The following CSMD3 variants were observed in gnomAD, a reference collection of about 807,000 sequenced individuals.
CSMD3 encodes the protein CUB and Sushi multiple domains 3, also known as CUB and sushi domain-containing protein 3.
A neutral mutation model predicts 435.2 loss-of-function variants in CSMD3; 177 were observed. The ratio of observed to expected loss-of-function variants is 0.41; its 90% CI spans 0.36 to 0.46. CSMD3 has a LOEUF of 0.46. Ranked by LOEUF, CSMD3 falls within the 20% of genes least tolerant of loss-of-function variation. The pLI, the probability that CSMD3 is intolerant of heterozygous loss-of-function variation, is 0.34. For synonymous variants in CSMD3, 1,656 were observed against 1,520.5 expected (o/e 1.09, Z -2.07); for missense variants, 4,265 against 4,504.6 (o/e 0.95, Z 1.52).
At chr8:112,379,450 C>T (rs1237869972) in intron 38 of CSMD3, among the ~76,000 whole-genome samples, 5 of 152,182 alleles carry the variant, frequency 3.3e-5, no homozygotes, top group African/African-American at 1.2e-4. Context: ...GCCTGGGCAA[C>T]AAGAGTGAAA....
Position 112,447,735 on chromosome 8 carries a change from A to C in CSMD3, c.5395+24856T>G, listed in dbSNP as rs534921432. ...TTGTGCACAAAAATAACTGTTGCCC[A>C]AAGTTTGAAATGTATTGAATTTATT... On this transcript the variant is annotated intron_variant, in intron 32 of 70. Coordinates refer to ENST00000297405, the MANE Select transcript of CSMD3 (RefSeq NM_198123.2). Among the ~76,000 whole-genome samples, 101 of 152,346 alleles carry C rather than the reference A, an allele frequency of 6.6e-4. 1 individual carries two copies. The Middle Eastern group carries it at 0.01, about 15-fold the overall frequency.
At chr8:113,024,782 T>G (rs997943786) in intron 5 of CSMD3, among the ~76,000 whole-genome samples, 2 of 152,142 alleles carry the variant, frequency 1.3e-5, no homozygotes, top group African/African-American at 4.8e-5. Flanking sequence ...CATTGCCAAT[T>G]TTTTCATCAG....
rs942131584 is a variant in CSMD3, at chr8:112,597,182, G to T, written c.3716-9947C>A. Among the ~76,000 whole-genome samples, 24 of 150,722 alleles carry T rather than the reference G, an allele frequency of 1.6e-4. No homozygotes were observed. In the East Asian group the frequency reaches 3.5e-3, roughly 22 times the overall value. ...AGACACAATAAAAAATGATAAAGGGGATATCACCACCAATCCCACAGAAAT... is the reference window on the plus strand; with the variant it reads ...AGACACAATAAAAAATGATAAAGGGTATATCACCACCAATCCCACAGAAAT... On this transcript the variant is annotated intron_variant, in intron 22 of 70. Transcript: ENST00000297405.
intron 1 of CSMD3, among the ~76,000 whole-genome samples, chr8:113,436,298 T>C (rs1487397980): frequency 1.3e-5 from 2 of 152,188 alleles, no homozygotes; most frequent in Non-Finnish European, 2.9e-5. Flanking sequence ...GTCTTTAATA[T>C]ATATATTCCA....
chr8:112,414,118 T>C (rs1811651214), intron 32 of CSMD3, among the ~76,000 whole-genome samples: 1 of 152,214 alleles, frequency 6.6e-6, no homozygotes, highest in East Asian at 1.9e-4. Flanking sequence ...TCTTGCTATA[T>C]TTGAAGTTGG....
intron 27 of CSMD3, among the ~76,000 whole-genome samples, chr8:112,545,362 A>T (rs1827060291): frequency 6.6e-6 from 1 of 151,502 alleles, no homozygotes; most frequent in African/African-American, 2.4e-5. Context: ...ACGCGCCTGT[A>T]ATCCCAGCTA....
intron 22 of CSMD3, among the ~76,000 whole-genome samples, chr8:112,617,935 G>C (rs1833784260): frequency 6.6e-6 from 1 of 152,040 alleles, no homozygotes; most frequent in South Asian, 2.1e-4. Context: ...GTAGCTGCCA[G>C]TAGGATTGGA....
At chr8:113,322,092 A>G (rs1281231496) in intron 1 of CSMD3, among the ~76,000 whole-genome samples, 1 of 152,184 alleles carries the variant, frequency 6.6e-6, no homozygotes, top group Non-Finnish European at 1.5e-5. Flanking sequence ...CTATGTTACC[A>G]GTAGGTATAT....
intron 9 of CSMD3, among the ~76,000 whole-genome samples, chr8:112,946,353 G>C (rs943329142): frequency 4.0e-5 from 6 of 151,612 alleles, no homozygotes; most frequent in Non-Finnish European, 8.9e-5. Flanking sequence ...CAGAAGACAA[G>C]ATAATTTATT....
At chr8:113,408,194 C>T (rs1343870850) in intron 1 of CSMD3, among the ~76,000 whole-genome samples, 2 of 151,994 alleles carry the variant, frequency 1.3e-5, no homozygotes, top group Admixed American at 6.6e-5. Flanking sequence ...AACAGTTCCC[C>T]ATGTGGTTCT....
At chr8:112,789,875 G>GA (rs1332901001) in intron 13 of CSMD3, among the ~76,000 whole-genome samples, 1 of 151,876 alleles carries the variant, frequency 6.6e-6, no homozygotes, top group Non-Finnish European at 1.5e-5. Flanking sequence ...TGTACCACTA[G>GA]AAAACTAATG....
rs746469006 is a variant in CSMD3 at position 112,666,418 on chromosome 8, G to A, written c.2678-3C>T. 1.9e-6 allele frequency: 3 copies of A among 1,611,206 alleles called. No homozygotes were observed. The highest frequency in any genetic ancestry group is 2.5e-6 in the Non-Finnish European group (3 of 1,178,306). On this transcript the variant is annotated splice_region_variant and splice_polypyrimidine_tract_variant and intron_variant, in intron 16 of 70. Coordinates refer to ENST00000297405, the MANE Select transcript of CSMD3 (RefSeq NM_198123.2). Reference sequence around the variant, plus strand: ...TGAAAAATGGCCACCACATGGGGCTGAAAAATTAAATCAGACAAGTAAGAA... The same window carrying A: ...TGAAAAATGGCCACCACATGGGGCTAAAAAATTAAATCAGACAAGTAAGAA...
At chr8:112,961,605 G>C (rs2084232309) in intron 7 of CSMD3, among the ~76,000 whole-genome samples, 1 of 151,918 alleles carries the variant, frequency 6.6e-6, no homozygotes, top group African/African-American at 2.4e-5. Flanking sequence ...AAACTGAACA[G>C]AGTGGTGAGT....
chr8:112,756,769 AT>A (rs67224021), intron 13 of CSMD3, among the ~76,000 whole-genome samples: 43,305 of 139,668 alleles, frequency 0.31, 6,406 homozygotes, highest in African/African-American at 0.44. Flanking sequence ...TTATGTATTA[AT>A]TTTTTTTTTT....
chr8:112,984,055 A>G (rs1280626513), intron 6 of CSMD3, among the ~76,000 whole-genome samples: 2 of 152,068 alleles, frequency 1.3e-5, no homozygotes, highest in Non-Finnish European at 2.9e-5. Context: ...GCTTAGAAAA[A>G]AATAGCATGT....
chr8:112,561,133 T>C (rs1337923142), intron 24 of CSMD3, among the ~76,000 whole-genome samples: 1 of 151,706 alleles, frequency 6.6e-6, no homozygotes, highest in East Asian at 1.9e-4. Context: ...ATTGGTGGAA[T>C]TATTGTTGCT....
chr8:113,301,517 G>T (rs2093767569), intron 2 of CSMD3, among the ~76,000 whole-genome samples: 1 of 151,674 alleles, frequency 6.6e-6, no homozygotes, highest in Non-Finnish European at 1.5e-5. Context: ...TGAGGTTGCT[G>T]ATTAGTTTAT....
At chr8:113,323,620 A>G (rs1450560454) in intron 1 of CSMD3, among the ~76,000 whole-genome samples, 1 of 152,188 alleles carries the variant, frequency 6.6e-6, no homozygotes, top group Admixed American at 6.5e-5. Context: ...TTTTTCACTA[A>G]ACCAAAAACA....
intron 1 of CSMD3, among the ~76,000 whole-genome samples, chr8:113,328,487 T>C (rs910636390): frequency 6.6e-6 from 1 of 151,488 alleles, no homozygotes; most frequent in African/African-American, 2.4e-5. Context: ...CTTATGACAT[T>C]TGAGGAAATA....
Sources: gnomAD v4.1 joint callset for allele counts (sites outside exome capture counted in the v4.1 genomes callset) on GRCh38, gnomAD v4.1.1 for gene constraint, MANE v1.5 for transcripts, NCBI Gene and HGNC (gene_info 2026-07-23, HGNC 2026-07-21) for gene names.